Variants in ARHGAP8 observed in about 807,000 individuals in gnomAD.
ARHGAP8 encodes rho GTPase-activating protein 8.
In ARHGAP8, 62 loss-of-function variants were observed where a neutral mutation model predicts 46.1. The observed-to-expected ratio is 1.34, with a 90% confidence interval of 1.10 to 1.66. ARHGAP8 has a LOEUF of 1.66. ARHGAP8 is among the 40% of genes most tolerant of loss of function. ARHGAP8 has a pLI of 0.00. For synonymous variants in ARHGAP8, 375 were observed against 243.1 expected (o/e 1.54, Z -5.05); for missense variants, 923 against 568.4 (o/e 1.62, Z -6.34).
chr22:44,813,917 T>C (rs1156619643), intron 4 of ARHGAP8, among the ~76,000 whole-genome samples: 1 of 152,072 alleles, frequency 6.6e-6, no homozygotes, highest in African/African-American at 2.4e-5. Flanking sequence ...CCCGTGTGAG[T>C]GGATAAGAGG....
At chr22:44,801,559 T>C (rs1327343055) in intron 2 of ARHGAP8, among the ~76,000 whole-genome samples, 3 of 152,170 alleles carry the variant, frequency 2.0e-5, no homozygotes, top group African/African-American at 7.2e-5. Flanking sequence ...GAGACTGTTG[T>C]AGCACATGGT....
At chr22:44,858,382 T>TTTTTTC (rs1569184713) in intron 10 of ARHGAP8, among the ~76,000 whole-genome samples, 1 of 151,584 alleles carries the variant, frequency 6.6e-6, no homozygotes, top group African/African-American at 2.4e-5. Flanking sequence ...TTTTTTTTTT[T>TTTTTTC]TTGAGATGGA....
chr22:44,801,988 G>C (rs1287162451), intron 2 of ARHGAP8, 89 bp from the exon 3 acceptor site: 4 of 1,527,952 alleles, frequency 2.6e-6, no homozygotes, highest in Non-Finnish European at 3.6e-6. Flanking sequence ...GCTCGGGCTG[G>C]ACTGGCCAAG....
intron 2 of ARHGAP8, among the ~76,000 whole-genome samples, chr22:44,792,829 GT>G (rs911417203): frequency 1.2e-3 from 56 of 45,504 alleles, no homozygotes; most frequent in African/African-American, 1.8e-3. Flanking sequence ...TGTTTTTTTG[GT>G]TTTTTTTTTT....
intron 5 of ARHGAP8, among the ~76,000 whole-genome samples, chr22:44,817,334 A>G (rs1309863394): frequency 4.6e-5 from 7 of 152,188 alleles, no homozygotes; most frequent in Non-Finnish European, 2.9e-5. Context: ...AGCTCCTTTC[A>G]TGTCACTAGA....
intron 1 of ARHGAP8, among the ~76,000 whole-genome samples, chr22:44,775,101 G>C (rs1926327397): frequency 6.6e-6 from 1 of 152,082 alleles, no homozygotes; most frequent in Admixed American, 6.5e-5. Flanking sequence ...CAAAGTGCTG[G>C]GATTATAGGC....
intron 1 of ARHGAP8, among the ~76,000 whole-genome samples, chr22:44,779,176 T>C (rs1030436587): frequency 2.3e-4 from 34 of 149,934 alleles, no homozygotes; most frequent in East Asian, 1.4e-3. Context: ...CTTGGCTCAC[T>C]GCAACCTCCG....
chr22:44,779,177 G>A (rs1172064060), intron 1 of ARHGAP8, among the ~76,000 whole-genome samples: 1 of 147,364 alleles, frequency 6.8e-6, no homozygotes, highest in African/African-American at 2.5e-5. Context: ...TTGGCTCACT[G>A]CAACCTCCGC....
At chr22:44,766,373 G>A (rs1925563132) in intron 1 of ARHGAP8, among the ~76,000 whole-genome samples, 1 of 152,114 alleles carries the variant, frequency 6.6e-6, no homozygotes, top group African/African-American at 2.4e-5. Context: ...CAGAACTGCA[G>A]GTGCGGAGGA....
At chr22:44,800,310 T>A (rs1928405352) in intron 2 of ARHGAP8, among the ~76,000 whole-genome samples, 1 of 152,084 alleles carries the variant, frequency 6.6e-6, no homozygotes, top group Non-Finnish European at 1.5e-5. Context: ...TTCACCATGC[T>A]GGCCAGGCTG....
chr22:44,845,622 G>T (rs557061581), intron 8 of ARHGAP8, among the ~76,000 whole-genome samples: 1 of 152,294 alleles, frequency 6.6e-6, no homozygotes, highest in South Asian at 2.1e-4. Flanking sequence ...TACATGACTT[G>T]TAGGATTGTT....
At chr22:44,821,248 GT>G (rs1555915336) in intron 5 of ARHGAP8, among the ~76,000 whole-genome samples, 3 of 152,050 alleles carry the variant, frequency 2.0e-5, no homozygotes, top group Non-Finnish European at 4.4e-5. Context: ...TGGCTAACAT[GT>G]TGAAACCCCG....
chr22:44,827,051 C>A (rs1185945232), intron 7 of ARHGAP8, among the ~76,000 whole-genome samples: 1 of 152,082 alleles, frequency 6.6e-6, no homozygotes, highest in Non-Finnish European at 1.5e-5. Context: ...AGTAAAGGAT[C>A]TTGGGATGGG....
intron 1 of ARHGAP8, among the ~76,000 whole-genome samples, chr22:44,778,999 T>A (rs1306794214): frequency 6.6e-6 from 1 of 152,008 alleles, no homozygotes; most frequent in Non-Finnish European, 1.5e-5. Context: ...AAAGATGGTC[T>A]GCAAAACACA....
chr22:44,861,347 T>C (rs919156058), intron 11 of ARHGAP8, among the ~76,000 whole-genome samples: 1 of 152,180 alleles, frequency 6.6e-6, no homozygotes, highest in Non-Finnish European at 1.5e-5. Flanking sequence ...TGAATGCACC[T>C]GGTGGGGTGT....
At chr22:44,859,325 A>C (rs948725379) in intron 10 of ARHGAP8, among the ~76,000 whole-genome samples, 1 of 151,856 alleles carries the variant, frequency 6.6e-6, no homozygotes, top group Non-Finnish European at 1.5e-5. Flanking sequence ...AGTTCTTACC[A>C]GATCTGGTTT....
At chr22:44,814,558 T>C in intron 4 of ARHGAP8, 114 bp from the exon 5 acceptor site, 1 of 857,590 alleles carries the variant, frequency 1.2e-6, no homozygotes, top group Non-Finnish European at 1.8e-6. Flanking sequence ...TTGATCCTGT[T>C]GAGAGGAGTA....
intron 1 of ARHGAP8, among the ~76,000 whole-genome samples, chr22:44,763,026 A>G (rs529954715): frequency 6.6e-6 from 1 of 152,232 alleles, no homozygotes; most frequent in Non-Finnish European, 1.5e-5. Context: ...CGGATCACCA[A>G]TGGCCAGTGA....
intron 8 of ARHGAP8, among the ~76,000 whole-genome samples, chr22:44,847,227 G>A (rs2069979798): frequency 6.6e-6 from 1 of 152,202 alleles, no homozygotes; most frequent in African/African-American, 2.4e-5. Flanking sequence ...CCTGGCCAGA[G>A]GGAGCCCTTC....
Sources: gnomAD v4.1 joint callset for allele counts (sites outside exome capture counted in the v4.1 genomes callset) on GRCh38, gnomAD v4.1.1 for gene constraint, MANE v1.5 for transcripts, NCBI Gene and HGNC (gene_info 2026-07-23, HGNC 2026-07-21) for gene names.